NIPAL3: variants seen among roughly 807,000 people sequenced by gnomAD.
NIPAL3 encodes the protein NIPA-like protein 3.
In NIPAL3, 41 loss-of-function variants were observed where a neutral mutation model predicts 47.2. That is an observed-to-expected ratio of 0.87 (90% CI 0.68 to 1.13). NIPAL3 has a LOEUF of 1.13. NIPAL3 is among the 50% of genes most tolerant of loss of function. NIPAL3 has a pLI of 0.00. For missense variants in NIPAL3, 449 were observed against 530.1 expected (o/e 0.85, Z 1.50); for synonymous variants, 194 against 209.6 (o/e 0.93, Z 0.64).
At chr1:24,417,382 C>G (rs1250886444) in intron 1 of NIPAL3, among the ~76,000 whole-genome samples, 3 of 152,308 alleles carry the variant, frequency 2.0e-5, no homozygotes, top group African/African-American at 4.8e-5. Context: ...GTAGAAAGAA[C>G]CCTGAGCCAC....
intron 10 of NIPAL3, among the ~76,000 whole-genome samples, chr1:24,462,643 T>TG (rs1646524491): frequency 6.6e-6 from 1 of 152,060 alleles, no homozygotes; most frequent in African/African-American, 2.4e-5. Context: ...GGCTTGCACC[T>TG]GTAATCCCAG....
chr1:24,464,049 T>C lies in NIPAL3; in HGVS notation c.950T>C (p.Val317Ala). 1.2e-6 allele frequency: 2 copies of C among 1,612,700 alleles called. No individual in the cohort carries two copies. The highest frequency in any genetic ancestry group is 1.7e-6 in the Non-Finnish European group (2 of 1,179,062). ...ALGCLIAFLG[V>A]FLITRNRKKP... is the part of the protein sequence containing the mutation. The stretch of plus-strand genomic sequence containing the variant: ...AGGTGCCTCATTGCATTCTTGGGCG[T>C]CTTCTTAATCACGCGTAACAGGAAG... Residue 317 changes from valine (V) to alanine (A), a missense_variant, in exon 11 of 12, where the codon GTC (valine) becomes GCC (alanine). Transcript: ENST00000374399.
chr1:24,419,850 G>T, intron 2 of NIPAL3: 1 of 473,904 alleles, frequency 2.1e-6, no homozygotes, highest in Non-Finnish European at 3.8e-6. Flanking sequence ...AGCACTTTGG[G>T]AGGTGGGCGG....
intron 2 of NIPAL3, among the ~76,000 whole-genome samples, chr1:24,425,551 AGT>A (rs975336507): frequency 2.0e-5 from 3 of 152,138 alleles, no homozygotes; most frequent in African/African-American, 7.2e-5. Context: ...GATACAACAG[AGT>A]GTTAAGAGCA....
chr1:24,468,848 C>A (rs1429419285), intron 11 of NIPAL3, 138 bp from the exon 12 acceptor site: 7 of 773,828 alleles, frequency 9.0e-6, no homozygotes, highest in Non-Finnish European at 1.3e-5. Context: ...TCTTTTAAAT[C>A]TAAAGCATTC....
chr1:24,445,274 G>A, intron 5 of NIPAL3, 30 bp downstream of exon 5: 1 of 1,482,982 alleles, frequency 6.7e-7, no homozygotes, highest in Non-Finnish European at 9.4e-7. Context: ...CTGTGTCCTT[G>A]ATTTTATATG....
At position 24,469,371 on chromosome 1, in the gene NIPAL3, G is replaced by C. The variant is rs899173440; in HGVS notation, c.*186G>C. On this transcript the variant is annotated 3_prime_UTR_variant, in exon 12 of 12. Coordinates refer to ENST00000374399, the MANE Select transcript of NIPAL3 (RefSeq NM_020448.5). ...GGTCTTGGAAATTTCAAATGATGAG[G>C]GTTGGGGGATGGAAGCATTATTCCA... is the stretch of plus-strand genomic sequence containing the variant. 9 of 580,550 alleles carry C rather than the reference G, an allele frequency of 1.6e-5. No homozygotes were observed. The African/African-American group carries it at 1.7e-4, about 11-fold the overall frequency. 36.0% of individuals were successfully genotyped at this position (580,550 alleles called of 1,614,324 possible).
chr1:24,460,398 G>C (rs2148851861), intron 9 of NIPAL3, 83 bp from the exon 10 acceptor site: 3 of 1,125,672 alleles, frequency 2.7e-6, no homozygotes, highest in Non-Finnish European at 3.9e-6. Flanking sequence ...AAATGGAAGA[G>C]AGCTTAGCCA....
intron 2 of NIPAL3, among the ~76,000 whole-genome samples, chr1:24,437,468 T>A (rs796756146): frequency 6.6e-6 from 1 of 152,182 alleles, no homozygotes; most frequent in Admixed American, 6.5e-5. Flanking sequence ...GTTGGGCTAA[T>A]AATAAACATG....
At chr1:24,468,845 A>T (rs1646806139) in intron 11 of NIPAL3, 141 bp from the exon 12 acceptor site, 1 of 758,034 alleles carries the variant, frequency 1.3e-6, no homozygotes, top group Admixed American at 2.5e-5. Context: ...TTCTCTTTTA[A>T]ATCTAAAGCA....
intron 2 of NIPAL3, chr1:24,421,881 C>T (rs967098034): frequency 6.6e-6 from 1 of 152,178 alleles, no homozygotes; most frequent in African/African-American, 2.4e-5. Context: ...AGTTGTGCAA[C>T]CAGAATTTAA....
intron 2 of NIPAL3, among the ~76,000 whole-genome samples, chr1:24,420,977 A>G (rs11249107): frequency 0.11 from 16,883 of 152,182 alleles, 982 homozygotes; most frequent in African/African-American, 0.13. Context: ...CTAAATACCT[A>G]TCAGTGCAGC....
rs929171072 is a variant in NIPAL3, at chr1:24,421,879, A to G, written c.93+2239A>G. Reference sequence around the variant, plus strand: ...GACTGGCACAACTAGTAAGTTGTGCAACCAGAATTTAAACCCGGGTCAGAC... The same window carrying G: ...GACTGGCACAACTAGTAAGTTGTGCGACCAGAATTTAAACCCGGGTCAGAC... On this transcript the variant is annotated intron_variant, in intron 2 of 11. Coordinates refer to ENST00000374399, the MANE Select transcript of NIPAL3 (RefSeq NM_020448.5). The G allele has an allele frequency of 2.0e-5, 3 of 152,244 alleles. No homozygotes were observed. In the South Asian group the frequency reaches 6.2e-4, roughly 31 times the overall value. 9.4% of individuals were successfully genotyped at this position (152,244 alleles called of 1,614,324 possible).
At chr1:24,453,071 G>A (rs1646020445) in intron 6 of NIPAL3, among the ~76,000 whole-genome samples, 1 of 152,032 alleles carries the variant, frequency 6.6e-6, no homozygotes, top group Non-Finnish European at 1.5e-5. Flanking sequence ...TTTTAATGGG[G>A]ATGCCCATGG....
intron 1 of NIPAL3, among the ~76,000 whole-genome samples, chr1:24,418,246 T>C (rs1396783866): frequency 2.6e-5 from 4 of 152,192 alleles, no homozygotes; most frequent in Non-Finnish European, 5.9e-5. Context: ...TTCTAAAAAA[T>C]GTATAAAAAG....
rs989823193 is a variant in NIPAL3 at position 24,451,419 on chromosome 1, C to T, written c.540+1793C>T. 1.2e-4 allele frequency among the ~76,000 whole-genome samples: 19 copies of T among 152,216 alleles called. No homozygotes were observed. The highest frequency in any genetic ancestry group is 2.4e-4 in the Non-Finnish European group (16 of 68,026). On this transcript the variant is annotated intron_variant, in intron 6 of 11. Coordinates refer to ENST00000374399, the MANE Select transcript of NIPAL3 (RefSeq NM_020448.5). The surrounding 1 kb of genome is among the most constrained non-coding windows in gnomAD (Gnocchi z 4.5). ...TTTTAGAATCATGGAGAACGGGCCA[C>T]ATGTGGTGGCTCACACCTATAATCT...
At position 24,441,433 on chromosome 1, in the gene NIPAL3, C is replaced by G. The variant is rs1238412458; in HGVS notation, c.163-622C>G. 2.0e-5 allele frequency among the ~76,000 whole-genome samples: 3 copies of G among 152,350 alleles called. No homozygotes were observed. The East Asian group carries it at 5.8e-4, about 29-fold the overall frequency. On this transcript the variant is annotated intron_variant, in intron 3 of 11. Coordinates refer to ENST00000374399, the MANE Select transcript of NIPAL3 (RefSeq NM_020448.5). ...GACTTGGCCCTCTAAGTCAACATGA[C>G]TTTCTAGCCTGCTTTAGTTACTGCT...
intron 4 of NIPAL3, 125 bp from the exon 5 acceptor site, chr1:24,445,060 C>T: frequency 1.7e-6 from 1 of 604,546 alleles, no homozygotes. Context: ...CTTTTGGCAG[C>T]ATGAGTGACA....
chr1:24,453,091 G>A (rs1030620287), intron 6 of NIPAL3, among the ~76,000 whole-genome samples: 1 of 152,128 alleles, frequency 6.6e-6, no homozygotes, highest in Non-Finnish European at 1.5e-5. Flanking sequence ...GAGCAGTGGA[G>A]TGGGAAGAAA....
Sources: allele counts gnomAD v4.1 joint callset (sites outside exome capture counted in the v4.1 genomes callset), GRCh38; gene constraint gnomAD v4.1.1; non-coding constraint Gnocchi (gnomAD v3.1); transcripts MANE v1.5; gene names NCBI Gene and HGNC (gene_info 2026-07-23, HGNC 2026-07-21).